EDIL3: variants seen among roughly 807,000 people sequenced by gnomAD.
The protein encoded by EDIL3 is EGF-like repeat and discoidin I-like domain-containing protein 3.
A neutral mutation model predicts 67.4 loss-of-function variants in EDIL3; 37 were observed. That is an observed-to-expected ratio of 0.55 (90% confidence interval 0.42 to 0.72). EDIL3 has a LOEUF of 0.72. Among genes scored for constraint, EDIL3 ranks in the 30% least tolerant of loss-of-function variants. The pLI is 0.00. For missense variants in EDIL3, 527 were observed against 586.3 expected, an observed-to-expected ratio of 0.90 and a Z score of 1.04; for synonymous variants, 195 against 196.3, an observed-to-expected ratio of 0.99 and a Z score of 0.05.
At chr5:84,140,455 G>A (rs141514875) in intron 4 of EDIL3, among the ~76,000 whole-genome samples, 6 of 152,186 alleles carry the variant, frequency 3.9e-5, no homozygotes, top group South Asian at 2.1e-4. Context: ...ATATGTGAGC[G>A]TAAATCTAAT....
In EDIL3 at chr5:83,943,314, A is replaced by G. The variant is rs1486217679; in HGVS notation, c.*105T>C. The G allele has an allele frequency of 1.1e-4, 27 of 241,940 alleles. 1 individual carries two copies. Among genetic ancestry groups the G allele is most frequent in the Non-Finnish European group, 1.2e-4 (20 of 163,246 alleles). 15.0% of individuals were successfully genotyped at this position (241,940 alleles called of 1,614,324 possible). ...ACCATAATTTGAGCACTTTTTCATG[A>G]AAAAAAAAAAAAAACCATTCAGTTT... On this transcript the variant is annotated 3_prime_UTR_variant, in exon 11 of 11. Coordinates refer to ENST00000296591, the MANE Select transcript of EDIL3 (RefSeq NM_005711.5).
Position 84,102,823 on chromosome 5 carries a change from A to G in EDIL3, c.651+3826T>C, listed in dbSNP as rs560933957. Among the ~76,000 whole-genome samples the G allele has an allele frequency of 2.6e-5, 4 of 152,158 alleles. No homozygotes were observed. The South Asian group carries it at 6.2e-4, about 24-fold the overall frequency. Reference sequence around the variant, plus strand: ...TGCCCAAAGCAATTTATAGATTTCAATGCTAATCCTATCAAACTCCCAATG... The same window carrying G: ...TGCCCAAAGCAATTTATAGATTTCAGTGCTAATCCTATCAAACTCCCAATG... On this transcript the variant is annotated intron_variant, in intron 6 of 10. Transcript: ENST00000296591.
At chr5:83,964,515 A>C (rs1744658134) in intron 9 of EDIL3, among the ~76,000 whole-genome samples, 1 of 151,974 alleles carries the variant, frequency 6.6e-6, no homozygotes, top group Admixed American at 6.6e-5. Flanking sequence ...GATGTAAGGT[A>C]GCCACAAATA....
intron 1 of EDIL3, among the ~76,000 whole-genome samples, chr5:84,359,959 T>C (rs1199270483): frequency 6.6e-6 from 1 of 152,192 alleles, no homozygotes; most frequent in Admixed American, 6.5e-5. Context: ...AGATTATAAT[T>C]ACCATTATGG....
intron 3 of EDIL3, among the ~76,000 whole-genome samples, chr5:84,223,830 T>C (rs1030967306): frequency 4.0e-5 from 6 of 151,372 alleles, no homozygotes; most frequent in South Asian, 2.1e-4. Context: ...TATCTGACTA[T>C]AGTAATCATT....
intron 3 of EDIL3, among the ~76,000 whole-genome samples, chr5:84,222,885 T>C (rs2112402041): frequency 6.6e-6 from 1 of 151,970 alleles, no homozygotes; most frequent in East Asian, 1.9e-4. Context: ...ATTAATCCCT[T>C]ACAAGATTTA....
At chr5:84,191,281 A>G (rs927589282) in intron 3 of EDIL3, among the ~76,000 whole-genome samples, 1 of 152,028 alleles carries the variant, frequency 6.6e-6, no homozygotes, top group Non-Finnish European at 1.5e-5. Flanking sequence ...CAGTGGCAGG[A>G]GGTGGAGGAA....
intron 5 of EDIL3, among the ~76,000 whole-genome samples, chr5:84,121,160 C>T (rs760890711): frequency 5.3e-5 from 8 of 151,944 alleles, no homozygotes; most frequent in Non-Finnish European, 1.2e-4. Flanking sequence ...GCATTCCTTA[C>T]GAATCTGGGT....
intron 4 of EDIL3, among the ~76,000 whole-genome samples, chr5:84,144,078 ACTT>A (rs747981391): frequency 3.3e-5 from 5 of 152,096 alleles, no homozygotes; most frequent in Non-Finnish European, 5.9e-5. Context: ...CAAGTCATGC[ACTT>A]AGAGATTGTG....
At chr5:84,109,227 T>C (rs780840082) in intron 5 of EDIL3, among the ~76,000 whole-genome samples, 128 of 152,254 alleles carry the variant, frequency 8.4e-4, no homozygotes, top group Middle Eastern at 3.4e-3. Context: ...TAATTCAAGC[T>C]GGGCGCAGTG....
intron 5 of EDIL3, among the ~76,000 whole-genome samples, chr5:84,131,213 T>C (rs1747960875): frequency 6.6e-6 from 1 of 152,154 alleles, no homozygotes; most frequent in African/African-American, 2.4e-5. Context: ...ATTTTACATA[T>C]GCTATGAATT....
chr5:84,137,713 G>A (rs1238852246), intron 4 of EDIL3, among the ~76,000 whole-genome samples: 3 of 152,086 alleles, frequency 2.0e-5, no homozygotes, highest in Non-Finnish European at 2.9e-5. Flanking sequence ...TTACAAGATC[G>A]AGAAACCTCC....
chr5:84,266,812 T>A (rs1745361739), intron 1 of EDIL3, among the ~76,000 whole-genome samples: 1 of 152,214 alleles, frequency 6.6e-6, no homozygotes, highest in Non-Finnish European at 1.5e-5. Flanking sequence ...TCCCCAAATT[T>A]CATATACCCT....
At chr5:84,098,538 C>T (rs1440290598) in intron 6 of EDIL3, among the ~76,000 whole-genome samples, 1 of 62,856 alleles carries the variant, frequency 1.6e-5, no homozygotes, top group East Asian at 5.0e-4. Flanking sequence ...TTAAAGAATG[C>T]ATTAACAAAA....
intron 1 of EDIL3, among the ~76,000 whole-genome samples, chr5:84,363,880 C>T (rs994982523): frequency 2.0e-5 from 3 of 152,140 alleles, no homozygotes; most frequent in African/African-American, 7.2e-5. Flanking sequence ...TAAATATACT[C>T]ATTTTAATAT....
At chr5:84,220,757 T>C (rs150475334) in intron 3 of EDIL3, among the ~76,000 whole-genome samples, 89 of 151,936 alleles carry the variant, frequency 5.9e-4, no homozygotes, top group African/African-American at 2.1e-3. Flanking sequence ...ATTGGCTGAG[T>C]TTTTCAACAA....
At chr5:83,948,704 G>C (rs4639196) in intron 10 of EDIL3, among the ~76,000 whole-genome samples, 43,035 of 151,548 alleles carry the variant, frequency 0.28, 6,168 homozygotes, top group Admixed American at 0.34. Context: ...CTTATTGGAA[G>C]CTTTGCATGT....
In EDIL3 at chr5:83,944,285, C is replaced by G. The variant is rs530243030; in HGVS notation, c.1294-717G>C. Among the ~76,000 whole-genome samples, 13 of 151,698 alleles carry G rather than the reference C, an allele frequency of 8.6e-5. No individual in the cohort carries two copies. In the South Asian group the frequency reaches 2.5e-3, roughly 29 times the overall value. On this transcript the variant is annotated intron_variant, in intron 10 of 10. Transcript: ENST00000296591. ...GAACTGTTTTTCTCTTCTTTTTTGGCTTCATCTATTAATTCCTGGATCCAT... is the reference window on the plus strand; with the variant it reads ...GAACTGTTTTTCTCTTCTTTTTTGGGTTCATCTATTAATTCCTGGATCCAT...
intron 6 of EDIL3, among the ~76,000 whole-genome samples, chr5:84,096,766 T>C (rs1448697595): frequency 6.6e-6 from 1 of 152,232 alleles, no homozygotes; most frequent in Non-Finnish European, 1.5e-5. Context: ...GGTCTGGCTC[T>C]GTGCCCCCAT....
Sources: allele counts gnomAD v4.1 joint callset (sites outside exome capture counted in the v4.1 genomes callset), GRCh38; gene constraint gnomAD v4.1.1; transcripts MANE v1.5; gene names NCBI Gene and HGNC (gene_info 2026-07-23, HGNC 2026-07-21).